Variants in NEK1 observed in about 807,000 individuals in gnomAD.
The protein encoded by NEK1 is serine/threonine-protein kinase Nek1.
In NEK1, 137 loss-of-function variants were observed where a neutral mutation model predicts 182.1. That is an observed-to-expected ratio of 0.75 (90% CI 0.65 to 0.87). The LOEUF is 0.87. Among genes scored for constraint, NEK1 ranks in the 40% least tolerant of loss-of-function variants. NEK1 has a pLI of 0.00. For synonymous variants in NEK1, 513 were observed against 492.2 expected (o/e 1.04, Z -0.56); for missense variants, 1,391 against 1,494.4 (o/e 0.93, Z 1.14).
chr4:169,569,767 T>C (rs1412554401), intron 12 of NEK1, among the ~76,000 whole-genome samples: 5 of 152,196 alleles, frequency 3.3e-5, no homozygotes, highest in Non-Finnish European at 5.9e-5. Context: ...GTGCCGGGAT[T>C]GCAGACGGAG....
intron 27 of NEK1, among the ~76,000 whole-genome samples, chr4:169,453,339 G>C (rs1370670167): frequency 1.3e-5 from 2 of 152,174 alleles, no homozygotes; most frequent in Admixed American, 6.5e-5. Flanking sequence ...AACCAAAAAA[G>C]AGCCCACATT....
At chr4:169,454,855 T>C (rs1379453290) in intron 27 of NEK1, among the ~76,000 whole-genome samples, 1 of 152,234 alleles carries the variant, frequency 6.6e-6, no homozygotes, top group African/African-American at 2.4e-5. Flanking sequence ...TTATAAATCA[T>C]GCTCCTTTAA....
At chr4:169,593,477 G>A (rs954037873) in intron 5 of NEK1, among the ~76,000 whole-genome samples, 9 of 152,122 alleles carry the variant, frequency 5.9e-5, no homozygotes, top group Admixed American at 1.3e-4. Context: ...CAGAAGGAGC[G>A]GCAACACAGT....
rs761454892 is a variant in NEK1 at position 169,477,159 on chromosome 4, T to C, written c.2399A>G (p.Glu800Gly). ...AGGQLVIPLD[E>G]LTLDTSFSTT... The stretch of plus-strand genomic sequence containing the variant: ...AGAGAAGGATGTATCTAGTGTTAAC[T>C]CATCCAGAGGAATCACAAGTTGACC... The change falls in exon 26 of 36, where the codon GAG becomes GGG. Residue 800 changes from glutamate (E) to glycine (G), a missense_variant. Coordinates refer to ENST00000507142, the MANE Select transcript of NEK1 (RefSeq NM_001199397.3). The C allele has an allele frequency of 6.2e-7, 1 of 1,606,910 alleles. No individual in the cohort carries two copies. Among genetic ancestry groups the C allele is most frequent in the Non-Finnish European group, 8.5e-7 (1 of 1,176,156 alleles).
chr4:169,424,594 T>C lies in NEK1; in HGVS notation c.3181A>G (p.Ile1061Val). 1 of 1,611,680 alleles carries C rather than the reference T, an allele frequency of 6.2e-7. No homozygotes were observed. The highest frequency in any genetic ancestry group is 8.5e-7 in the Non-Finnish European group (1 of 1,178,088). ...TCAAACAGACCAGTTGAAAGTCCAA[T>C]CAGCAAGGAATTCTTGTTTTTATTT... The part of the protein sequence containing the change: ...PKNKNKNSLL[I>V]GLSTGLFDAN... The change falls in exon 31 of 36, where the codon ATT (isoleucine) becomes GTT (valine). Residue 1061 changes from isoleucine (I) to valine (V), a missense_variant. Physicochemically the swap from Ile to Val is conservative, Grantham distance 29. Coordinates refer to ENST00000507142, the MANE Select transcript of NEK1 (RefSeq NM_001199397.3).
intron 23 of NEK1, among the ~76,000 whole-genome samples, chr4:169,495,151 A>G (rs1750939464): frequency 6.6e-6 from 1 of 151,376 alleles, no homozygotes; most frequent in African/African-American, 2.4e-5. Flanking sequence ...TGTTTTAGAC[A>G]TGAAGTCCTT....
rs376129103 is a variant in NEK1 at position 169,536,029 on chromosome 4, T to C, written c.1665+1780A>G. Among the ~76,000 whole-genome samples the C allele has an allele frequency of 2.0e-5, 3 of 151,726 alleles. 1 individual carries two copies. The highest frequency in any genetic ancestry group is 7.3e-5 in the African/African-American group (3 of 41,360). On this transcript the variant is annotated intron_variant, in intron 19 of 35. Coordinates refer to ENST00000507142, the MANE Select transcript of NEK1 (RefSeq NM_001199397.3). Reference sequence around the variant, plus strand: ...ACTACACAAGGCAGGGTGCAGTGGCTCATGTCTGTAATCACAGCACTTTCG... The same window carrying C: ...ACTACACAAGGCAGGGTGCAGTGGCCCATGTCTGTAATCACAGCACTTTCG...
Position 169,447,637 on chromosome 4 carries a change from C to T in NEK1, c.2588-9378G>A, listed in dbSNP as rs751479142. Among the ~76,000 whole-genome samples, 9 of 152,074 alleles carry T rather than the reference C, an allele frequency of 5.9e-5. No individual in the cohort carries two copies. The South Asian group carries it at 1.0e-3, about 18-fold the overall frequency. On this transcript the variant is annotated intron_variant, in intron 27 of 35. Transcript: ENST00000507142. ...ATCCCAGCATTTTGGGAGGTGAAGG[C>T]GGGTGGATCACTTGAGGTGAGAAGT...
intron 29 of NEK1, 57 bp downstream of exon 29, chr4:169,433,488 T>C: frequency 6.5e-7 from 1 of 1,527,766 alleles, no homozygotes; most frequent in Non-Finnish European, 8.9e-7. Flanking sequence ...AGTATTTTCT[T>C]AAAAGTTATT....
chr4:169,568,291 A>G (rs1345252698), intron 12 of NEK1, among the ~76,000 whole-genome samples: 1 of 152,238 alleles, frequency 6.6e-6, no homozygotes, highest in African/African-American at 2.4e-5. Flanking sequence ...CCATGTGTAT[A>G]TATTCCAAAC....
At chr4:169,474,364 T>G (rs984505270) in intron 26 of NEK1, among the ~76,000 whole-genome samples, 1 of 152,218 alleles carries the variant, frequency 6.6e-6, no homozygotes, top group Non-Finnish European at 1.5e-5. Flanking sequence ...CTAATCAGCA[T>G]AAAATATTTT....
At chr4:169,420,269 C>T (rs545490974) in intron 31 of NEK1, among the ~76,000 whole-genome samples, 1 of 152,294 alleles carries the variant, frequency 6.6e-6, no homozygotes, top group East Asian at 1.9e-4. Context: ...ATACACTATA[C>T]ACTGAAATAC....
intron 2 of NEK1, among the ~76,000 whole-genome samples, chr4:169,605,955 C>G (rs1198157554): frequency 1.3e-5 from 2 of 152,074 alleles, no homozygotes; most frequent in Non-Finnish European, 2.9e-5. Context: ...GCTACATAAT[C>G]AAACGCTAAC....
chr4:169,597,784 A>T (rs1210266036), intron 5 of NEK1, among the ~76,000 whole-genome samples: 1 of 151,874 alleles, frequency 6.6e-6, no homozygotes, highest in Non-Finnish European at 1.5e-5. Flanking sequence ...AATACAAAAA[A>T]TTAGCCAGGC....
chr4:169,496,819 A>G (rs969579704), intron 23 of NEK1, among the ~76,000 whole-genome samples: 17 of 152,148 alleles, frequency 1.1e-4, no homozygotes, highest in Admixed American at 4.6e-4. Context: ...TATTTTATTG[A>G]GGATTTTTAC....
Position 169,561,899 on chromosome 4 carries a change from A to T in NEK1, c.1081-8T>A, listed in dbSNP as rs747743441. On this transcript the variant is annotated splice_region_variant and splice_polypyrimidine_tract_variant and intron_variant, in intron 13 of 35. Coordinates refer to ENST00000507142, the MANE Select transcript of NEK1 (RefSeq NM_001199397.3). ...TCTCTTTCTTGCTGCTTCCTTAAAT[A>T]AAAAAAAGAACATTTTAATCCATAA... The T allele has an allele frequency of 9.6e-6, 15 of 1,559,398 alleles. No homozygotes were observed. The highest frequency in any genetic ancestry group is 2.3e-5 in the East Asian group (1 of 44,290).
intron 35 of NEK1, among the ~76,000 whole-genome samples, chr4:169,398,572 T>C (rs763288078): frequency 1.8e-4 from 27 of 152,218 alleles, no homozygotes; most frequent in Admixed American, 7.2e-4. Context: ...GCACCAAATT[T>C]GTTTCCTGTT....
At chr4:169,513,482 T>G (rs1414807004) in intron 19 of NEK1, among the ~76,000 whole-genome samples, 1 of 152,228 alleles carries the variant, frequency 6.6e-6, no homozygotes, top group Non-Finnish European at 1.5e-5. Context: ...TGTAGAGTTC[T>G]GGGAATTTCC....
intron 10 of NEK1, 78 bp downstream of exon 10, chr4:169,585,271 T>C (rs1767344428): frequency 2.1e-6 from 2 of 974,502 alleles, no homozygotes; most frequent in Non-Finnish European, 3.1e-6. Flanking sequence ...TCCAGATGTG[T>C]TCTCCTCAAC....
Sources: allele counts gnomAD v4.1 joint callset (sites outside exome capture counted in the v4.1 genomes callset), GRCh38; gene constraint gnomAD v4.1.1; transcripts MANE v1.5; gene names NCBI Gene and HGNC (gene_info 2026-07-23, HGNC 2026-07-21).